LINGO2: variants seen among roughly 807,000 people sequenced by gnomAD.
LINGO2 encodes leucine rich repeat and Ig domain containing 2, also known as leucine-rich repeat and immunoglobulin-like domain-containing nogo receptor-interacting protein 2.
In LINGO2, 14 loss-of-function variants were observed where a neutral mutation model predicts 30.6. That is an observed-to-expected ratio of 0.46 (90% CI 0.30 to 0.72). LINGO2 has a LOEUF of 0.72. Among genes scored for constraint, LINGO2 ranks in the 30% least tolerant of loss-of-function variants. The pLI is 0.07. For missense variants in LINGO2, 729 were observed against 751.7 expected (o/e 0.97, Z 0.35); for synonymous variants, 317 against 288.5 (o/e 1.10, Z -1.00).
chr9:28,092,795 T>G (rs550891303), intron 4 of LINGO2, among the ~76,000 whole-genome samples: 1 of 152,080 alleles, frequency 6.6e-6, no homozygotes, highest in Non-Finnish European at 1.5e-5. Flanking sequence ...TCCTTACTTG[T>G]ATGATCAATA....
chr9:29,066,866 C>T, the LINGO2 span, among the ~76,000 whole-genome samples: 1 of 151,760 alleles, frequency 6.6e-6, no homozygotes, highest in East Asian at 1.9e-4. Context: ...TTTATGTTAG[C>T]TTCTCAATCA....
chr9:27,968,386 G>T (rs1820198572), intron 5 of LINGO2, among the ~76,000 whole-genome samples: 1 of 151,754 alleles, frequency 6.6e-6, no homozygotes, highest in Non-Finnish European at 1.5e-5. Context: ...TTAAAATGAT[G>T]GCTATAAGAG....
At chr9:28,646,124 T>C (rs1283454263) in intron 1 of LINGO2, among the ~76,000 whole-genome samples, 1 of 152,294 alleles carries the variant, frequency 6.6e-6, no homozygotes, top group African/African-American at 2.4e-5. Context: ...TAGTTATTAG[T>C]GTTTTTACTT....
At chr9:28,315,962 G>A (rs985316058) in intron 3 of LINGO2, among the ~76,000 whole-genome samples, 49 of 152,210 alleles carry the variant, frequency 3.2e-4, no homozygotes, top group African/African-American at 1.2e-3. Flanking sequence ...ATTTAAAAGT[G>A]GCTCTGCCAA....
intron 1 of LINGO2, among the ~76,000 whole-genome samples, chr9:28,496,959 T>C (rs1306686265): frequency 6.6e-6 from 1 of 152,218 alleles, no homozygotes; most frequent in East Asian, 1.9e-4. Flanking sequence ...TTGAAAATTC[T>C]TTTCTTTAAG....
the LINGO2 span, among the ~76,000 whole-genome samples, chr9:28,782,185 T>A: frequency 6.6e-6 from 1 of 152,270 alleles, no homozygotes; most frequent in East Asian, 1.9e-4. Flanking sequence ...ACGAAATATT[T>A]TAGTTGTGAA....
At chr9:29,181,756 C>T in the LINGO2 span, among the ~76,000 whole-genome samples, 3 of 151,874 alleles carry the variant, frequency 2.0e-5, no homozygotes, top group South Asian at 4.1e-4. Flanking sequence ...GCCAATGTGA[C>T]GTACCACACA....
chr9:29,136,723 T>C, the LINGO2 span, among the ~76,000 whole-genome samples: 2 of 152,132 alleles, frequency 1.3e-5, no homozygotes, highest in Non-Finnish European at 1.5e-5. Flanking sequence ...TCACCCTGCA[T>C]AGTCTTACAT....
At chr9:28,405,619 A>C (rs1822474471) in intron 2 of LINGO2, among the ~76,000 whole-genome samples, 1 of 152,226 alleles carries the variant, frequency 6.6e-6, no homozygotes, top group African/African-American at 2.4e-5. Flanking sequence ...ACATTCTAGA[A>C]GTAAAAGGAG....
At chr9:29,035,125 G>T in the LINGO2 span, among the ~76,000 whole-genome samples, 1 of 151,866 alleles carries the variant, frequency 6.6e-6, no homozygotes, top group Non-Finnish European at 1.5e-5. Context: ...AAGACATAAA[G>T]AAAAATATAA....
intron 4 of LINGO2, among the ~76,000 whole-genome samples, chr9:28,235,601 G>A (rs1275704906): frequency 6.6e-6 from 1 of 152,166 alleles, no homozygotes; most frequent in East Asian, 1.9e-4. Context: ...AGATAACGCA[G>A]AGACGAAATT....
chr9:29,038,896 G>T, the LINGO2 span, among the ~76,000 whole-genome samples: 58 of 152,250 alleles, frequency 3.8e-4, no homozygotes, highest in African/African-American at 1.3e-3. Context: ...AGTCAGTACA[G>T]TATAAATGGT....
the LINGO2 span, among the ~76,000 whole-genome samples, chr9:29,004,491 A>G: frequency 6.6e-6 from 1 of 151,892 alleles, no homozygotes; most frequent in African/African-American, 2.4e-5. Context: ...GCACAACATC[A>G]TGCTTTGTAT....
chr9:28,038,064 C>G (rs974196571), intron 4 of LINGO2, among the ~76,000 whole-genome samples: 4 of 152,276 alleles, frequency 2.6e-5, no homozygotes, highest in African/African-American at 9.6e-5. Context: ...AACCACCATA[C>G]CACTTTTTAA....
the LINGO2 span, among the ~76,000 whole-genome samples, chr9:28,732,913 G>A: frequency 1.3e-5 from 2 of 152,178 alleles, no homozygotes; most frequent in Non-Finnish European, 2.9e-5. Flanking sequence ...TGCTATTTTG[G>A]AGAGGCCAGT....
the LINGO2 span, among the ~76,000 whole-genome samples, chr9:28,987,072 G>GTTTT: frequency 3.0e-4 from 36 of 119,162 alleles, no homozygotes; most frequent in East Asian, 1.2e-3. Flanking sequence ...GTTCTAACAG[G>GTTTT]TTTTTTTTTT....
intron 4 of LINGO2, among the ~76,000 whole-genome samples, chr9:28,248,000 C>G (rs954758665): frequency 3.9e-5 from 6 of 152,182 alleles, no homozygotes; most frequent in Admixed American, 3.3e-4. Flanking sequence ...CCCTCATACA[C>G]TGTTGGTTGG....
At chr9:28,487,504 C>G (rs936396117) in intron 1 of LINGO2, among the ~76,000 whole-genome samples, 4 of 152,146 alleles carry the variant, frequency 2.6e-5, no homozygotes, top group African/African-American at 7.2e-5. Flanking sequence ...TTGAAAGCCA[C>G]ATTTATGAGA....
chr9:29,167,234 A>G, the LINGO2 span, among the ~76,000 whole-genome samples: 1 of 152,164 alleles, frequency 6.6e-6, no homozygotes, highest in Non-Finnish European at 1.5e-5. Flanking sequence ...GAATGCTTTG[A>G]ATAAAATCAA....
Sources: gnomAD v4.1 joint callset for allele counts (sites outside exome capture counted in the v4.1 genomes callset) on GRCh38, gnomAD v4.1.1 for gene constraint, MANE v1.5 for transcripts, NCBI Gene and HGNC (gene_info 2026-07-23, HGNC 2026-07-21) for gene names.